The following SIDT1 variants were observed in gnomAD, a reference collection of about 807,000 sequenced individuals.
The protein encoded by SIDT1 is SID1 transmembrane family, member 1.
A neutral mutation model predicts 107.5 loss-of-function variants in SIDT1; 101 were observed. That is an observed-to-expected ratio of 0.94 (90% CI 0.80 to 1.11). The LOEUF (loss-of-function observed/expected upper bound fraction) is 1.11, where lower values mean the gene tolerates loss of function less well. Ranked by LOEUF, SIDT1 falls within the 50% of genes least tolerant of loss-of-function variation. SIDT1 has a pLI of 0.00. For synonymous variants in SIDT1, 395 were observed against 398.2 expected, an observed-to-expected ratio of 0.99 and a Z score of 0.10; for missense variants, 1,076 against 1,058.2, an observed-to-expected ratio of 1.02 and a Z score of -0.23.
chr3:113,591,673 C>T (rs372516604), intron 9 of SIDT1, among the ~76,000 whole-genome samples: 5 of 152,090 alleles, frequency 3.3e-5, no homozygotes, highest in South Asian at 2.1e-4. Flanking sequence ...CCAGCCTGGG[C>T]GACAGAGCGA....
At chr3:113,570,294 C>T (rs745955807) in intron 3 of SIDT1, among the ~76,000 whole-genome samples, 65 of 152,192 alleles carry the variant, frequency 4.3e-4, no homozygotes, top group Non-Finnish European at 5.4e-4. Context: ...GGAGTGATAA[C>T]GTGTTACAGT....
At chr3:113,547,527 C>T (rs1939729642) in intron 1 of SIDT1, among the ~76,000 whole-genome samples, 1 of 151,922 alleles carries the variant, frequency 6.6e-6, no homozygotes, top group Non-Finnish European at 1.5e-5. Context: ...ATTTATTTTG[C>T]CATTAGAAAG....
intron 10 of SIDT1, among the ~76,000 whole-genome samples, chr3:113,601,105 G>T (rs1349543113): frequency 6.6e-6 from 1 of 152,162 alleles, no homozygotes; most frequent in African/African-American, 2.4e-5. Context: ...TATAATTAAA[G>T]TTTAAGTCCA....
chr3:113,617,418 C>T (rs1311120408), intron 20 of SIDT1, among the ~76,000 whole-genome samples: 1 of 152,196 alleles, frequency 6.6e-6, no homozygotes, highest in Non-Finnish European at 1.5e-5. Context: ...CTCCTCTGAG[C>T]CCACTGCCCC....
intron 1 of SIDT1, among the ~76,000 whole-genome samples, chr3:113,536,204 T>G (rs1262314223): frequency 6.6e-6 from 1 of 152,180 alleles, no homozygotes; most frequent in East Asian, 1.9e-4. Flanking sequence ...CCCCACCCAC[T>G]AAATTTTTGT....
At chr3:113,589,042 G>A (rs115075958) in intron 9 of SIDT1, among the ~76,000 whole-genome samples, 1 of 152,164 alleles carries the variant, frequency 6.6e-6, no homozygotes, top group African/African-American at 2.4e-5. Flanking sequence ...GGGCTTATTT[G>A]TTTCCAAGAC....
intron 3 of SIDT1, among the ~76,000 whole-genome samples, chr3:113,575,195 A>T (rs1362615865): frequency 3.9e-5 from 6 of 152,350 alleles, no homozygotes; most frequent in South Asian, 2.1e-4. Context: ...GGGGAAAATT[A>T]AAATCTCTGG....
chr3:113,588,899 T>C (rs1943937205), intron 9 of SIDT1: 1 of 151,886 alleles, frequency 6.6e-6, no homozygotes, highest in Admixed American at 6.6e-5. Context: ...ATGGTTCCGC[T>C]AATCTGGGCT....
chr3:113,533,118 C>T lies in SIDT1; in HGVS notation c.97C>T (p.Pro33Ser). The T allele has an allele frequency of 1.3e-6, 2 of 1,554,704 alleles. No individual in the cohort carries two copies. Among genetic ancestry groups the T allele is most frequent in the South Asian group, 2.4e-5 (2 of 82,876 alleles). ...GHPAKSPRQP[P>S]APRRDPFDAA... ...CCCGGCGAAATCCCCCAGGCAGCCC[C>T]CGGCACCGCGCCGCGACCCCTTCGA... Residue 33 changes from proline to serine, a missense_variant, in exon 1 of 25, where the codon CCG becomes TCG. Transcript: ENST00000264852.
chr3:113,591,478 A>C (rs889156698), intron 9 of SIDT1, among the ~76,000 whole-genome samples: 1 of 151,890 alleles, frequency 6.6e-6, no homozygotes, highest in Non-Finnish European at 1.5e-5. Flanking sequence ...AGCCAAAACA[A>C]TCCTGAAAAA....
rs576400717 is a variant in SIDT1 at position 113,547,742 on chromosome 3, C to T, written c.222+14499C>T. ...CTCCCAAGAACCAGGAAGTTTTCTC[C>T]CTATTTGGACCACTGAAAAGCATTT... On this transcript the variant is annotated intron_variant, in intron 1 of 24. Transcript: ENST00000264852. 5.9e-5 allele frequency among the ~76,000 whole-genome samples: 9 copies of T among 152,082 alleles called. No homozygotes were observed. The East Asian group carries it at 1.7e-3, about 29-fold the overall frequency.
rs189183480 is a variant in SIDT1, at chr3:113,554,661, G to T, written c.223-11759G>T. 7.1e-3 allele frequency among the ~76,000 whole-genome samples: 1,083 copies of T among 152,136 alleles called. 14 individuals carry two copies. Among genetic ancestry groups the T allele is most frequent in the African/African-American group, 0.025 (1,019 of 41,502 alleles). On this transcript the variant is annotated intron_variant, in intron 1 of 24. Coordinates refer to ENST00000264852, the MANE Select transcript of SIDT1 (RefSeq NM_017699.3). ...TTTCTTTATAAATTACCCAGTCTTG[G>T]GTATTTCTTCACAGCAGTATGAAAA...
At chr3:113,613,320 A>G (rs540691217) in intron 19 of SIDT1, among the ~76,000 whole-genome samples, 1 of 152,182 alleles carries the variant, frequency 6.6e-6, no homozygotes. Flanking sequence ...GGGCAGGTAG[A>G]CACTTCTGGC....
chr3:113,563,476 T>G (rs990837887), intron 1 of SIDT1, among the ~76,000 whole-genome samples: 3 of 152,212 alleles, frequency 2.0e-5, no homozygotes, highest in Admixed American at 2.0e-4. Flanking sequence ...TTTGACGACT[T>G]GAATCTAATG....
At chr3:113,632,147 G>A (rs767017300), downstream of SIDT1, among the ~76,000 whole-genome samples, 4 of 152,066 alleles carry the variant, frequency 2.6e-5, no homozygotes, top group Non-Finnish European at 5.9e-5. Flanking sequence ...CTCCTGTCCC[G>A]GCATTATAGT....
intron 1 of SIDT1, among the ~76,000 whole-genome samples, chr3:113,557,876 C>A (rs1363186475): frequency 1.3e-5 from 2 of 152,194 alleles, no homozygotes; most frequent in Non-Finnish European, 2.9e-5. Flanking sequence ...GGCTATATTT[C>A]TTTTCCAGGG....
Position 113,563,311 on chromosome 3 carries a change from A to G in SIDT1, c.223-3109A>G, listed in dbSNP as rs146600436. ...ATTGCAATCACTCCTTATACCACAT[A>G]TGAGTATTGATTGCAAACGGATTAG... is the stretch of plus-strand genomic sequence containing the variant. On this transcript the variant is annotated intron_variant, in intron 1 of 24. Coordinates refer to ENST00000264852, the MANE Select transcript of SIDT1 (RefSeq NM_017699.3). Among the ~76,000 whole-genome samples the G allele has an allele frequency of 8.5e-5, 13 of 152,092 alleles. 1 individual carries two copies. Among genetic ancestry groups the G allele is most frequent in the South Asian group, 4.2e-4 (2 of 4,804 alleles).
rs115294927 is a variant in SIDT1, at chr3:113,626,102, G to A, written c.2308G>A (p.Gly770Arg). Residue 770 changes from glycine (G) to arginine (R), a missense_variant and splice_region_variant, in exon 24 of 25, where the codon GGA becomes AGA. Transcript: ENST00000264852. ...CATGTCCTGCCTCACCTTCCTCCAG[G>A]GAACTCCGGCCGAATCCCGGGAGAA... ...FFFQNLSSWE[G>R]TPAESREKNR... is the part of the protein sequence containing the mutation. 431 of 1,611,994 alleles carry A rather than the reference G, an allele frequency of 2.7e-4. No homozygotes were observed. The African/African-American group carries it at 5.2e-3, about 19-fold the overall frequency.
At chr3:113,565,516 ACT>A (rs1283812837) in intron 1 of SIDT1, among the ~76,000 whole-genome samples, 2 of 152,024 alleles carry the variant, frequency 1.3e-5, no homozygotes, top group Admixed American at 6.6e-5. Context: ...GCAGAGGGAG[ACT>A]CTGTCTCAAG....
Sources: allele counts gnomAD v4.1 joint callset (sites outside exome capture counted in the v4.1 genomes callset), GRCh38; gene constraint gnomAD v4.1.1; transcripts MANE v1.5; gene names NCBI Gene and HGNC (gene_info 2026-07-23, HGNC 2026-07-21).